Variants in SLC39A11 observed in about 807,000 individuals in gnomAD.
SLC39A11 encodes solute carrier family 39 member 11, also known as zinc transporter ZIP11.
A neutral mutation model predicts 36.1 loss-of-function variants in SLC39A11; 33 were observed. The observed-to-expected ratio is 0.91, with a 90% CI of 0.69 to 1.22. The LOEUF is 1.22. SLC39A11 is among the 50% of genes most tolerant of loss of function. The probability of loss-of-function intolerance (pLI) is 0.00; values close to 1 mark genes in which losing one functional copy is unlikely to be tolerated. For synonymous variants in SLC39A11, 166 were observed against 170.3 expected (o/e 0.97, Z 0.20); for missense variants, 432 against 430.3 (o/e 1.00, Z -0.03).
intron 4 of SLC39A11, among the ~76,000 whole-genome samples, chr17:72,999,304 A>G (rs114720987): frequency 0.021 from 3,172 of 152,248 alleles, 105 homozygotes; most frequent in African/African-American, 0.072. Flanking sequence ...ATCTCTCCCC[A>G]GCCATCTCTT....
chr17:72,841,141 G>A (rs1185697247), intron 6 of SLC39A11, among the ~76,000 whole-genome samples: 1 of 152,180 alleles, frequency 6.6e-6, no homozygotes, highest in African/African-American at 2.4e-5. Flanking sequence ...CAATGCACCA[G>A]TTCTTCTAGG....
intron 4 of SLC39A11, among the ~76,000 whole-genome samples, chr17:73,017,026 G>T (rs2058191067): frequency 6.6e-6 from 1 of 152,206 alleles, no homozygotes; most frequent in South Asian, 2.1e-4. Context: ...GAGAGGTATA[G>T]AAACTTTTGC....
At chr17:72,899,479 G>C (rs781351014) in intron 5 of SLC39A11, among the ~76,000 whole-genome samples, 3 of 152,078 alleles carry the variant, frequency 2.0e-5, no homozygotes, top group Non-Finnish European at 4.4e-5. Context: ...GAAAGGCAAG[G>C]GTCGGATAGA....
intron 5 of SLC39A11, among the ~76,000 whole-genome samples, chr17:72,941,066 G>A (rs1212866800): frequency 6.6e-6 from 1 of 152,158 alleles, no homozygotes; most frequent in African/African-American, 2.4e-5. Context: ...GAGCCCAGGA[G>A]TTCAAGACCA....
intron 4 of SLC39A11, among the ~76,000 whole-genome samples, chr17:73,009,737 A>G (rs1332071094): frequency 6.6e-6 from 1 of 152,184 alleles, no homozygotes; most frequent in Non-Finnish European, 1.5e-5. Context: ...ATCTCAATAC[A>G]ACAAATTTTT....
intron 5 of SLC39A11, among the ~76,000 whole-genome samples, chr17:72,880,091 G>A (rs1446494263): frequency 6.6e-6 from 1 of 152,216 alleles, no homozygotes; most frequent in Non-Finnish European, 1.5e-5. Context: ...AACTCCTGCT[G>A]TTTCAGTGTG....
chr17:72,687,696 T>C (rs2071823688), intron 7 of SLC39A11, among the ~76,000 whole-genome samples: 1 of 152,146 alleles, frequency 6.6e-6, no homozygotes, highest in Non-Finnish European at 1.5e-5. Context: ...GGAGGAGGCA[T>C]GGAGTAGGGA....
chr17:72,737,975 C>T (rs1485161756), intron 6 of SLC39A11, among the ~76,000 whole-genome samples: 1 of 152,064 alleles, frequency 6.6e-6, no homozygotes, highest in Non-Finnish European at 1.5e-5. Context: ...GTGGCGTGAT[C>T]ACCACCACCA....
chr17:72,670,018 G>T (rs1055135944), intron 7 of SLC39A11, among the ~76,000 whole-genome samples: 1 of 137,800 alleles, frequency 7.3e-6, no homozygotes, highest in African/African-American at 2.7e-5. Flanking sequence ...ATATATATAC[G>T]TATAGATGTA....
intron 6 of SLC39A11, among the ~76,000 whole-genome samples, chr17:72,776,627 A>AC (rs1555668801): frequency 6.6e-6 from 1 of 151,508 alleles, no homozygotes; most frequent in Non-Finnish European, 1.5e-5. Context: ...AAAAAAAAAA[A>AC]AACAGAAGAC....
At chr17:73,014,169 C>CCTGG (rs1306847076) in intron 4 of SLC39A11, among the ~76,000 whole-genome samples, 1 of 152,168 alleles carries the variant, frequency 6.6e-6, no homozygotes, top group African/African-American at 2.4e-5. Flanking sequence ...CCTGGGGCCT[C>CCTGG]AGCCTCCTGC....
chr17:72,723,201 C>G (rs546196653), intron 7 of SLC39A11, among the ~76,000 whole-genome samples: 14 of 152,274 alleles, frequency 9.2e-5, no homozygotes, highest in Non-Finnish European at 1.8e-4. Context: ...TTGTCAGGTG[C>G]TTGTCAGGTG....
At chr17:72,703,817 G>A (rs548234024) in intron 7 of SLC39A11, among the ~76,000 whole-genome samples, 1 of 152,284 alleles carries the variant, frequency 6.6e-6, no homozygotes, top group Non-Finnish European at 1.5e-5. Context: ...CTAAACAGAG[G>A]AACCCACCTC....
intron 4 of SLC39A11, among the ~76,000 whole-genome samples, chr17:72,970,130 T>C (rs1376823454): frequency 2.0e-5 from 3 of 152,230 alleles, no homozygotes; most frequent in African/African-American, 7.2e-5. Flanking sequence ...AAAAGGTCAG[T>C]CTTTCCAAAA....
At chr17:72,719,005 G>A (rs1249384215) in intron 7 of SLC39A11, among the ~76,000 whole-genome samples, 2 of 151,998 alleles carry the variant, frequency 1.3e-5, no homozygotes, top group South Asian at 2.1e-4. Context: ...TTGGGAGGCT[G>A]AGGCAGGCAG....
rs2435984 is a variant in SLC39A11 at position 72,767,716 on chromosome 17, A to G, written c.602-30997T>C. On this transcript the variant is annotated intron_variant, in intron 6 of 9. Transcript: ENST00000255559. The stretch of plus-strand genomic sequence containing the variant: ...TCCCTTCATTACCTTACAAATCTCC[A>G]GCACCAAAGTGAATGCTTAGCACAC... Among the ~76,000 whole-genome samples, 1,154 of 152,348 alleles carry G rather than the reference A, an allele frequency of 7.6e-3. 20 individuals carry two copies. Among genetic ancestry groups the G allele is most frequent in the African/African-American group, 0.026 (1,076 of 41,576 alleles).
chr17:72,898,370 CT>C (rs755276024), intron 5 of SLC39A11, among the ~76,000 whole-genome samples: 9 of 152,220 alleles, frequency 5.9e-5, no homozygotes, highest in East Asian at 5.8e-4. Flanking sequence ...AGCTATACCG[CT>C]GCTACTGGGG....
At chr17:72,760,820 T>C (rs559187823) in intron 6 of SLC39A11, among the ~76,000 whole-genome samples, 4 of 152,340 alleles carry the variant, frequency 2.6e-5, no homozygotes, top group East Asian at 1.9e-4. Context: ...CCACCTCCGA[T>C]GTCACTTACT....
intron 5 of SLC39A11, among the ~76,000 whole-genome samples, chr17:72,902,263 C>A (rs1221371717): frequency 7.3e-5 from 11 of 150,494 alleles, no homozygotes; most frequent in East Asian, 2.0e-4. Flanking sequence ...AAGAGCGAAG[C>A]TCTGTCTCCA....
Sources: allele counts gnomAD v4.1 joint callset (sites outside exome capture counted in the v4.1 genomes callset), GRCh38; gene constraint gnomAD v4.1.1; transcripts MANE v1.5; gene names NCBI Gene and HGNC (gene_info 2026-07-23, HGNC 2026-07-21).